SPTLC3: variants seen among roughly 807,000 people sequenced by gnomAD.
SPTLC3 encodes serine palmitoyltransferase long chain base subunit 3, also known as serine palmitoyltransferase 3.
Under a neutral mutation model 59.3 loss-of-function variants are expected in SPTLC3, and 36 were observed. That is an observed-to-expected ratio of 0.61 (90% CI 0.47 to 0.80). The LOEUF (loss-of-function observed/expected upper bound fraction) is 0.80. SPTLC3 is among the 30% of genes least tolerant of loss of function. The probability of loss-of-function intolerance (pLI) is 0.00; values close to 1 mark genes in which losing one functional copy is unlikely to be tolerated. For synonymous variants in SPTLC3, 257 were observed against 240.8 expected (o/e 1.07, Z -0.62); for missense variants, 625 against 685.1 (o/e 0.91, Z 0.98).
intron 9 of SPTLC3, among the ~76,000 whole-genome samples, chr20:13,150,127 T>G (rs1209284745): frequency 6.6e-6 from 1 of 152,202 alleles, no homozygotes; most frequent in Non-Finnish European, 1.5e-5. Context: ...ATCCTTACCA[T>G]AGCCCTCTTT....
intron 3 of SPTLC3, among the ~76,000 whole-genome samples, chr20:13,073,118 A>G (rs973971117): frequency 1.3e-5 from 2 of 152,104 alleles, no homozygotes; most frequent in Non-Finnish European, 2.9e-5. Context: ...TATTTTATAA[A>G]CCACAGTCAC....
At chr20:13,045,929 A>G (rs1000030069) in intron 1 of SPTLC3, among the ~76,000 whole-genome samples, 1 of 152,138 alleles carries the variant, frequency 6.6e-6, no homozygotes, top group Non-Finnish European at 1.5e-5. Context: ...TGAAGCTCAG[A>G]AATGAAGATG....
intron 1 of SPTLC3, among the ~76,000 whole-genome samples, chr20:13,041,465 A>G (rs1986977660): frequency 6.6e-6 from 1 of 152,014 alleles, no homozygotes; most frequent in African/African-American, 2.4e-5. Flanking sequence ...TGTAATTTCT[A>G]TTCTTTATAA....
intron 9 of SPTLC3, among the ~76,000 whole-genome samples, chr20:13,127,636 T>C (rs1306542190): frequency 2.0e-5 from 3 of 152,184 alleles, no homozygotes; most frequent in Non-Finnish European, 2.9e-5. Context: ...ACAAGGCTGA[T>C]CTAGTTAAAG....
At chr20:13,010,104 C>T (rs370957864) in intron 1 of SPTLC3, among the ~76,000 whole-genome samples, 58 of 151,416 alleles carry the variant, frequency 3.8e-4, no homozygotes, top group African/African-American at 1.3e-3. Context: ...AGGAGGAACT[C>T]GAGGAAAGTT....
chr20:13,072,173 C>T (rs1988463173), intron 2 of SPTLC3, 83 bp from the exon 3 acceptor site: 1 of 1,441,266 alleles, frequency 6.9e-7, no homozygotes, highest in Non-Finnish European at 9.4e-7. Flanking sequence ...CACAGCTCTT[C>T]CAGGTCTTCT....
chr20:13,024,897 T>C (rs1030046861), intron 1 of SPTLC3, among the ~76,000 whole-genome samples: 1 of 152,188 alleles, frequency 6.6e-6, no homozygotes, highest in Non-Finnish European at 1.5e-5. Flanking sequence ...ACAATTCCAC[T>C]CCATCCCCTG....
chr20:13,133,870 C>T (rs1338398671), intron 9 of SPTLC3, among the ~76,000 whole-genome samples: 5 of 152,208 alleles, frequency 3.3e-5, no homozygotes, highest in Non-Finnish European at 7.3e-5. Flanking sequence ...CATCCTTTCC[C>T]TAACAACCCC....
chr20:13,060,776 C>T (rs929964552), intron 2 of SPTLC3, among the ~76,000 whole-genome samples: 1 of 143,588 alleles, frequency 7.0e-6, no homozygotes, highest in Non-Finnish European at 1.6e-5. Flanking sequence ...CTGCAAAAGA[C>T]ATAATTTTAT....
rs1185501775 is a variant in SPTLC3 at position 13,167,024 on chromosome 20, G to C, written c.*2157G>C. On this transcript the variant is annotated 3_prime_UTR_variant, in exon 12 of 12. Transcript: ENST00000399002. ...AACAAAAGGACCTGTTTCTGTTAGA[G>C]AGTCCATGTTGAATATACAGGTATG... is the stretch of plus-strand genomic sequence containing the variant. 6.6e-6 allele frequency: 1 copy of C among 152,180 alleles called. No individual in the cohort carries two copies. Among genetic ancestry groups the C allele is most frequent in the Non-Finnish European group, 1.5e-5 (1 of 68,020 alleles). 9.4% of individuals were successfully genotyped at this position (152,180 alleles called of 1,614,324 possible). A position where few individuals can be genotyped will look rare whatever the true frequency, so the allele number is the denominator to read the frequency against.
intron 1 of SPTLC3, among the ~76,000 whole-genome samples, chr20:13,015,084 T>A (rs1985458633): frequency 1.3e-5 from 2 of 152,194 alleles, no homozygotes; most frequent in Admixed American, 6.5e-5. Flanking sequence ...TTATGGTGAC[T>A]CTTAGAGCAT....
At chr20:13,129,238 G>C (rs1300605758) in intron 9 of SPTLC3, among the ~76,000 whole-genome samples, 1 of 152,142 alleles carries the variant, frequency 6.6e-6, no homozygotes, top group Non-Finnish European at 1.5e-5. Flanking sequence ...CTGGCCTCAA[G>C]TGATTTGCCC....
At chr20:13,103,162 T>A (rs1003777830) in intron 6 of SPTLC3, among the ~76,000 whole-genome samples, 14 of 152,224 alleles carry the variant, frequency 9.2e-5, no homozygotes, top group Non-Finnish European at 1.5e-4. Flanking sequence ...AAATGCCCTC[T>A]GTGATCTCAT....
intron 4 of SPTLC3, among the ~76,000 whole-genome samples, chr20:13,083,481 T>TCTC (rs1379270070): frequency 2.0e-5 from 3 of 152,282 alleles, no homozygotes; most frequent in African/African-American, 7.2e-5. Flanking sequence ...TCTCTGCCAT[T>TCTC]TAGTCAAAGT....
chr20:13,130,402 TGA>T (rs150981411), intron 9 of SPTLC3, among the ~76,000 whole-genome samples: 2,242 of 152,300 alleles, frequency 0.015, 99 homozygotes, highest in East Asian at 0.14. Flanking sequence ...TGTTTCAGGT[TGA>T]GTTTGGGGAG....
Position 13,088,390 on chromosome 20 carries a change from A to G in SPTLC3, c.608-2693A>G, listed in dbSNP as rs549167845. 3.9e-5 allele frequency among the ~76,000 whole-genome samples: 6 copies of G among 152,218 alleles called. No individual in the cohort carries two copies. The East Asian group carries it at 1.2e-3, about 29-fold the overall frequency. Reference sequence around the variant, plus strand: ...TGCTCTGTCGCCCAGGCTGGAGTGCAGTGGCACCATCTCAGCTCACTACAA... The same window carrying G: ...TGCTCTGTCGCCCAGGCTGGAGTGCGGTGGCACCATCTCAGCTCACTACAA... On this transcript the variant is annotated intron_variant, in intron 4 of 11. Coordinates refer to ENST00000399002, the MANE Select transcript of SPTLC3 (RefSeq NM_018327.4).
At chr20:13,047,469 G>T (rs1446977871) in intron 1 of SPTLC3, among the ~76,000 whole-genome samples, 1 of 152,076 alleles carries the variant, frequency 6.6e-6, no homozygotes, top group East Asian at 1.9e-4. Context: ...ATCACTAAAA[G>T]TTATGTATTC....
intron 2 of SPTLC3, among the ~76,000 whole-genome samples, chr20:13,070,808 G>A (rs1016489884): frequency 6.6e-6 from 1 of 152,018 alleles, no homozygotes; most frequent in Non-Finnish European, 1.5e-5. Context: ...AGTGAGGTGG[G>A]AGCCATTATA....
intron 11 of SPTLC3, chr20:13,164,507 T>C: frequency 1.8e-6 from 1 of 544,286 alleles, no homozygotes; most frequent in Non-Finnish European, 3.4e-6. Context: ...CTCTTCACAC[T>C]CTCAAAATAA....
Sources: gnomAD v4.1 joint callset for allele counts (sites outside exome capture counted in the v4.1 genomes callset) on GRCh38, gnomAD v4.1.1 for gene constraint, MANE v1.5 for transcripts, NCBI Gene and HGNC (gene_info 2026-07-23, HGNC 2026-07-21) for gene names.